The following CLASP1 variants were observed in gnomAD, a reference collection of about 807,000 sequenced individuals.
The protein encoded by CLASP1 is CLIP-associating protein 1.
CLASP1 carries 38 observed loss-of-function variants against 192.3 expected under a neutral mutation model. The ratio of observed to expected loss-of-function variants is 0.20; its 90% CI spans 0.15 to 0.26. The LOEUF (loss-of-function observed/expected upper bound fraction) is 0.26, where lower values mean the gene tolerates loss of function less well. CLASP1 is among the 10% of genes least tolerant of loss of function. CLASP1 has a pLI of 1.00. For missense variants in CLASP1, 1,433 were observed against 1,932.5 expected, an observed-to-expected ratio of 0.74 and a Z score of 4.85; for synonymous variants, 691 against 712.8, an observed-to-expected ratio of 0.97 and a Z score of 0.49.
At chr2:121,463,903 G>A (rs1411941969) in intron 9 of CLASP1, among the ~76,000 whole-genome samples, 1 of 151,742 alleles carries the variant, frequency 6.6e-6, no homozygotes, top group African/African-American at 2.4e-5. Context: ...GTGCCGGTTA[G>A]TTACATATGT....
At chr2:121,519,667 C>T in intron 6 of CLASP1, among the ~76,000 whole-genome samples, 1 of 152,222 alleles carries the variant, frequency 6.6e-6, no homozygotes, top group Non-Finnish European at 1.5e-5. Context: ...AACACAACGG[C>T]TAGTGTTATC....
At chr2:121,358,326 C>A (rs897717219) in intron 37 of CLASP1, among the ~76,000 whole-genome samples, 1 of 152,142 alleles carries the variant, frequency 6.6e-6, no homozygotes, top group Non-Finnish European at 1.5e-5. Flanking sequence ...AGATAATCAC[C>A]TAGTCCACTT....
intron 2 of CLASP1, among the ~76,000 whole-genome samples, chr2:121,559,880 A>G (rs1240518892): frequency 6.7e-6 from 1 of 149,930 alleles, no homozygotes; most frequent in African/African-American, 2.5e-5. Context: ...CTTAATAATT[A>G]TCATCATCAT....
intron 2 of CLASP1, among the ~76,000 whole-genome samples, chr2:121,550,954 G>A (rs939670933): frequency 1.5e-4 from 23 of 152,114 alleles, no homozygotes; most frequent in African/African-American, 5.1e-4. Context: ...GATGAGCATC[G>A]ATACAAAAAT....
intron 9 of CLASP1, among the ~76,000 whole-genome samples, chr2:121,465,461 A>G (rs906216641): frequency 6.6e-5 from 10 of 152,212 alleles, no homozygotes; most frequent in Non-Finnish European, 1.2e-4. Flanking sequence ...TCCAACTTAA[A>G]AGGGATGTGA....
At chr2:121,470,602 C>A in intron 8 of CLASP1, 1 of 440,588 alleles carries the variant, frequency 2.3e-6, no homozygotes, top group Non-Finnish European at 4.5e-6. Context: ...TAGGGTGTTT[C>A]TAATTCCTCA....
chr2:121,430,352 C>T (rs779830251), intron 19 of CLASP1, among the ~76,000 whole-genome samples, 175 bp from the exon 20 acceptor site: 9 of 152,266 alleles, frequency 5.9e-5, no homozygotes, highest in Non-Finnish European at 8.8e-5. Context: ...TGTGTGCATG[C>T]GCACATGCGC....
intron 8 of CLASP1, among the ~76,000 whole-genome samples, chr2:121,474,257 A>G (rs933064545): frequency 6.6e-6 from 1 of 152,186 alleles, no homozygotes; most frequent in African/African-American, 2.4e-5. Context: ...TACAGGAAGT[A>G]AGGCACAGGG....
At chr2:121,393,671 C>T (rs2074765958) in intron 30 of CLASP1, among the ~76,000 whole-genome samples, 2 of 152,086 alleles carry the variant, frequency 1.3e-5, no homozygotes, top group South Asian at 4.1e-4. Context: ...ACGGATGCTA[C>T]ATCAAAACAG....
At chr2:121,604,440 G>A (rs989954513) in intron 2 of CLASP1, among the ~76,000 whole-genome samples, 5 of 152,174 alleles carry the variant, frequency 3.3e-5, no homozygotes, top group African/African-American at 9.7e-5. Flanking sequence ...AGGAGGAGGC[G>A]GGTGGCTTGC....
chr2:121,397,193 C>A (rs2075424432), exon 30 of CLASP1: 1 of 1,613,786 alleles, frequency 6.2e-7, no homozygotes, highest in Admixed American at 1.7e-5. Flanking sequence ...ATTCTAGAAA[C>A]AGCAAGCCTT....
intron 34 of CLASP1, among the ~76,000 whole-genome samples, chr2:121,369,926 T>G (rs550214991): frequency 6.6e-6 from 1 of 152,362 alleles, no homozygotes; most frequent in South Asian, 2.1e-4. Context: ...ATAATTTTAC[T>G]GAGTTCCAAA....
chr2:121,478,247 C>T (rs184863522), intron 8 of CLASP1, among the ~76,000 whole-genome samples: 16 of 152,130 alleles, frequency 1.1e-4, no homozygotes, highest in Admixed American at 9.2e-4. Context: ...CACAGTAAAA[C>T]GCTTTCATGC....
chr2:121,518,309 G>T (rs972062254), intron 6 of CLASP1, among the ~76,000 whole-genome samples: 1 of 150,784 alleles, frequency 6.6e-6, no homozygotes, highest in African/African-American at 2.4e-5. Flanking sequence ...AAAATTAGAG[G>T]ATTAGTGTCC....
rs551064272 is a variant in CLASP1 at position 121,573,712 on chromosome 2, A to T, written c.195+31989T>A. Among the ~76,000 whole-genome samples, 8 of 152,340 alleles carry T rather than the reference A, an allele frequency of 5.3e-5. No individual in the cohort carries two copies. In the East Asian group the frequency reaches 1.5e-3, roughly 29 times the overall value. Reference sequence around the variant, plus strand: ...AATATCCTGGTTGTGATTTGATACCATAGTTTGGCCAAATGTTACCATTTT... The same window carrying T: ...AATATCCTGGTTGTGATTTGATACCTTAGTTTGGCCAAATGTTACCATTTT... On this transcript the variant is annotated intron_variant, in intron 2 of 39. Transcript: ENST00000263710.
chr2:121,508,428 G>A (rs780846334), intron 7 of CLASP1, among the ~76,000 whole-genome samples: 11 of 151,982 alleles, frequency 7.2e-5, no homozygotes, highest in Non-Finnish European at 1.3e-4. Flanking sequence ...ACAAAATAAC[G>A]CAGTAACAGA....
intron 1 of CLASP1, among the ~76,000 whole-genome samples, chr2:121,634,863 G>A (rs192608): frequency 0.3 from 46,073 of 152,042 alleles, 11,213 homozygotes; most frequent in African/African-American, 0.68. Flanking sequence ...CTTCTGTCAA[G>A]CTTTTTAGAC....
chr2:121,347,176 C>A (rs761916035), intron 38 of CLASP1, 22 bp from the exon 40 acceptor site: 2 of 1,472,954 alleles, frequency 1.4e-6, no homozygotes, highest in South Asian at 2.4e-5. Flanking sequence ...GAAGGGAACA[C>A]GAAAAGGAAA....
exon 22 of CLASP1, chr2:121,425,140 T>A (rs1391010935): frequency 6.2e-7 from 1 of 1,610,190 alleles, no homozygotes; most frequent in Admixed American, 1.7e-5. Flanking sequence ...AATCCTTACC[T>A]AATCCTATTC....
Sources: allele counts gnomAD v4.1 joint callset (sites outside exome capture counted in the v4.1 genomes callset), GRCh38; gene constraint gnomAD v4.1.1; transcripts MANE v1.5; gene names NCBI Gene and HGNC (gene_info 2026-07-23, HGNC 2026-07-21).